CSMD1: variants seen among roughly 807,000 people sequenced by gnomAD.
The protein encoded by CSMD1 is CUB and Sushi multiple domains 1.
Under a neutral mutation model 417.5 loss-of-function variants are expected in CSMD1, and 213 were observed. That is an observed-to-expected ratio of 0.51 (90% CI 0.46 to 0.57). The LOEUF is 0.57. Ranked by LOEUF, CSMD1 falls within the 20% of genes least tolerant of loss-of-function variation. The pLI is 0.00. For synonymous variants in CSMD1, 2,862 were observed against 1,736.8 expected, an observed-to-expected ratio of 1.65 and a Z score of -16.11; for missense variants, 6,923 against 4,529.7, an observed-to-expected ratio of 1.53 and a Z score of -15.17.
At chr8:4,651,044 A>G (rs1803860793) in intron 1 of CSMD1, among the ~76,000 whole-genome samples, 1 of 152,222 alleles carries the variant, frequency 6.6e-6, no homozygotes, top group African/African-American at 2.4e-5. Flanking sequence ...TCAAAGCAGT[A>G]CAAAGGATCA....
intron 1 of CSMD1, among the ~76,000 whole-genome samples, chr8:4,673,690 C>G (rs1291000620): frequency 2.0e-5 from 3 of 152,070 alleles, no homozygotes; most frequent in Non-Finnish European, 2.9e-5. Flanking sequence ...AACATTTTCC[C>G]CCAAGAAAAC....
intron 57 of CSMD1, among the ~76,000 whole-genome samples, chr8:2,968,629 C>A (rs1157359343): frequency 6.6e-6 from 1 of 152,020 alleles, no homozygotes; most frequent in Non-Finnish European, 1.5e-5. Flanking sequence ...ACGGTTATAA[C>A]TATGAAAATG....
intron 2 of CSMD1, among the ~76,000 whole-genome samples, chr8:4,443,638 A>T (rs75257538): frequency 1.3e-5 from 2 of 152,326 alleles, no homozygotes; most frequent in East Asian, 1.9e-4. Flanking sequence ...TGGAACAGCC[A>T]TGCCGTTGAC....
In CSMD1 at chr8:4,222,724, A is replaced by G. The variant is rs573094970; in HGVS notation, c.416-190625T>C. ...TCTGGTTCGCTTCTGTAGGTGATAA[A>G]AAGTGGTCAAACACTCTTTCTGCCC... On this transcript the variant is annotated intron_variant, in intron 3 of 69. Coordinates refer to ENST00000635120, the MANE Select transcript of CSMD1 (RefSeq NM_033225.6). 3.9e-5 allele frequency among the ~76,000 whole-genome samples: 6 copies of G among 152,266 alleles called. No homozygotes were observed. In the South Asian group the frequency reaches 1.0e-3, roughly 26 times the overall value.
intron 2 of CSMD1, among the ~76,000 whole-genome samples, chr8:4,623,333 T>C (rs1190515376): frequency 6.6e-6 from 1 of 151,980 alleles, no homozygotes; most frequent in South Asian, 2.1e-4. Flanking sequence ...AAAGGCTGAG[T>C]ACACTAAATA....
At chr8:3,683,997 G>C (rs1799803398) in intron 7 of CSMD1, among the ~76,000 whole-genome samples, 1 of 151,168 alleles carries the variant, frequency 6.6e-6, no homozygotes, top group African/African-American at 2.4e-5. Flanking sequence ...TAACTCATTA[G>C]AACACATTCA....
At chr8:4,125,951 A>C (rs1421502532) in intron 3 of CSMD1, among the ~76,000 whole-genome samples, 4 of 152,168 alleles carry the variant, frequency 2.6e-5, no homozygotes, top group African/African-American at 7.2e-5. Context: ...TCTGGGGATC[A>C]CATTACTATT....
chr8:3,179,393 T>C (rs1164514027), intron 37 of CSMD1, among the ~76,000 whole-genome samples: 1 of 152,212 alleles, frequency 6.6e-6, no homozygotes, highest in Non-Finnish European at 1.5e-5. Flanking sequence ...TGTGGCATTA[T>C]GTTTAGCCCA....
intron 23 of CSMD1, among the ~76,000 whole-genome samples, chr8:3,316,854 A>T (rs1288282021): frequency 6.6e-6 from 1 of 152,142 alleles, no homozygotes; most frequent in African/African-American, 2.4e-5. Flanking sequence ...TTCGTATTTC[A>T]GAGAGATAAT....
intron 3 of CSMD1, among the ~76,000 whole-genome samples, chr8:4,158,568 G>A (rs961624224): frequency 6.6e-6 from 1 of 152,140 alleles, no homozygotes; most frequent in Non-Finnish European, 1.5e-5. Context: ...GGTTCACTAT[G>A]ACAGAACAGT....
intron 2 of CSMD1, among the ~76,000 whole-genome samples, chr8:4,437,052 G>C (rs1008305769): frequency 6.6e-5 from 10 of 152,036 alleles, no homozygotes; most frequent in East Asian, 1.9e-4. Context: ...TTTTCCTCAA[G>C]GTAATTTAAT....
intron 3 of CSMD1, among the ~76,000 whole-genome samples, chr8:4,124,205 G>T (rs1802639388): frequency 6.6e-6 from 1 of 152,104 alleles, no homozygotes. Context: ...CGACCAGGAG[G>T]AAGCTTCAGG....
At chr8:4,408,663 A>C (rs1563142448) in intron 3 of CSMD1, among the ~76,000 whole-genome samples, 1 of 152,210 alleles carries the variant, frequency 6.6e-6, no homozygotes, top group Non-Finnish European at 1.5e-5. Flanking sequence ...CAATTAAATC[A>C]ATAGTTCATT....
At chr8:3,073,403 T>G (rs541637164) in intron 49 of CSMD1, among the ~76,000 whole-genome samples, 1 of 152,196 alleles carries the variant, frequency 6.6e-6, no homozygotes, top group East Asian at 1.9e-4. Flanking sequence ...CTCAGAAAAC[T>G]GGGTAGCCAT....
chr8:3,843,514 A>G (rs887351378), intron 5 of CSMD1, among the ~76,000 whole-genome samples: 1 of 152,230 alleles, frequency 6.6e-6, no homozygotes, highest in Non-Finnish European at 1.5e-5. Flanking sequence ...CAGATATGAG[A>G]AAAATGTGAA....
At chr8:4,022,444 G>C (rs1041477526) in intron 4 of CSMD1, among the ~76,000 whole-genome samples, 4 of 152,108 alleles carry the variant, frequency 2.6e-5, no homozygotes, top group Admixed American at 1.3e-4. Context: ...CATGGGCGTG[G>C]ATGCAGATAA....
chr8:3,462,159 C>G (rs578092826), intron 12 of CSMD1, among the ~76,000 whole-genome samples: 1 of 151,996 alleles, frequency 6.6e-6, no homozygotes, highest in African/African-American at 2.4e-5. Flanking sequence ...GGGACCCACA[C>G]TGCATTTCTT....
chr8:3,426,691 C>T (rs1405659954), intron 12 of CSMD1, among the ~76,000 whole-genome samples: 1 of 152,164 alleles, frequency 6.6e-6, no homozygotes, highest in African/African-American at 2.4e-5. Flanking sequence ...TCTTACATTA[C>T]AAACCACTAA....
Position 3,575,044 on chromosome 8 carries a change from C to A in CSMD1, c.1245G>T (p.Leu415=). 1 of 1,613,330 alleles carries A rather than the reference C, an allele frequency of 6.2e-7. No homozygotes were observed. The highest frequency in any genetic ancestry group is 8.5e-7 in the Non-Finnish European group (1 of 1,179,682). ...ICRARTCGSN[L]RGPSGVITSP... ...AGGTAATGACGCCGCTGGGCCCACG[C>A]AGATTGGATCCACATGTTCTCGCTG... is the stretch of plus-strand genomic sequence containing the variant. Residue 415 remains leucine, a synonymous_variant, in exon 10 of 70, where the codon CTG becomes CTT. Coordinates refer to ENST00000635120, the MANE Select transcript of CSMD1 (RefSeq NM_033225.6).
Sources: gnomAD v4.1 joint callset for allele counts (sites outside exome capture counted in the v4.1 genomes callset) on GRCh38, gnomAD v4.1.1 for gene constraint, MANE v1.5 for transcripts, NCBI Gene and HGNC (gene_info 2026-07-23, HGNC 2026-07-21) for gene names.